The following SAP18 variants were observed in gnomAD, a reference collection of about 807,000 sequenced individuals.
SAP18 encodes the protein Sin3A associated protein 18, also known as histone deacetylase complex subunit SAP18.
Under a neutral mutation model 18.6 loss-of-function variants are expected in SAP18, and 4 were observed. The observed-to-expected ratio is 0.21, with a 90% CI of 0.11 to 0.49. The LOEUF (loss-of-function observed/expected upper bound fraction) is 0.49. SAP18 is among the 20% of genes least tolerant of loss of function. The pLI is 0.98. For missense variants in SAP18, 170 were observed against 226.4 expected (o/e 0.75, Z 1.60); for synonymous variants, 112 against 82.8 (o/e 1.35, Z -1.92).
At chr13:21,144,966 T>A (rs1295376832) in intron 2 of SAP18, among the ~76,000 whole-genome samples, 1 of 152,166 alleles carries the variant, frequency 6.6e-6, no homozygotes, top group Non-Finnish European at 1.5e-5. Context: ...GAATATAGAC[T>A]GAGCATCGCA....
chr13:21,147,499 G>T, exon 4 of SAP18: 1 of 675,662 alleles, frequency 1.5e-6, no homozygotes, highest in Non-Finnish European at 2.5e-6. Context: ...GCTATTGTAT[G>T]ATTACGAATA....
intron 2 of SAP18, among the ~76,000 whole-genome samples, chr13:21,142,935 G>A (rs1869520577): frequency 6.6e-6 from 1 of 152,052 alleles, no homozygotes; most frequent in Admixed American, 6.5e-5. Context: ...AGCCTCTAAT[G>A]TATTATCTGT....
chr13:21,148,676 T>G (rs1286190355), exon 4 of SAP18: 1 of 151,688 alleles, frequency 6.6e-6, no homozygotes, highest in Non-Finnish European at 1.5e-5. Context: ...GGTTGTTTAT[T>G]CATTCAGATT....
exon 1 of SAP18, chr13:21,140,541 G>A: frequency 1.3e-6 from 2 of 1,576,656 alleles, no homozygotes; most frequent in Non-Finnish European, 8.6e-7. Context: ...CCTCGCGAGA[G>A]ACTTAGTGCT....
rs530633079 is a variant in SAP18, at chr13:21,146,766, A to G, written c.240-39A>G. 6.4e-5 allele frequency: 96 copies of G among 1,510,572 alleles called. 4 individuals carry two copies. In the South Asian group the frequency reaches 1.1e-3, roughly 17 times the overall value. 93.6% of individuals were successfully genotyped at this position (1,510,572 alleles called of 1,614,324 possible). On this transcript the variant is annotated intron_variant, in intron 2 of 3. Transcript: ENST00000621421. ...ATCCCTTTTAATATTATTGCTGATT[A>G]ATAAGCAAATGTAAATGTCTTTTTT...
intron 2 of SAP18, among the ~76,000 whole-genome samples, chr13:21,144,998 C>T (rs981893729): frequency 1.3e-5 from 2 of 150,962 alleles, no homozygotes; most frequent in African/African-American, 4.9e-5. Flanking sequence ...TGAAATGCCA[C>T]AAAATCTGAA....
At chr13:21,141,640 T>G (rs1182600952) in intron 2 of SAP18, 1 of 153,308 alleles carries the variant, frequency 6.5e-6, no homozygotes, top group African/African-American at 2.4e-5. Context: ...AAGTAAAAGG[T>G]GTGTAATTGA....
exon 1 of SAP18, chr13:21,140,536 CGA>C (rs774921169): frequency 1.8e-5 from 29 of 1,569,628 alleles, no homozygotes; most frequent in Non-Finnish European, 2.4e-5. Flanking sequence ...CTTCTCCTCG[CGA>C]GAGACTTAGT....
At chr13:21,140,165 G>A (rs752952654), upstream of SAP18, among the ~76,000 whole-genome samples, 65 of 152,310 alleles carry the variant, frequency 4.3e-4, no homozygotes, top group Admixed American at 9.1e-4. Flanking sequence ...CCATGACCAC[G>A]TACGCTGGCG....
chr13:21,142,044 T>A (rs946056727), intron 2 of SAP18, among the ~76,000 whole-genome samples: 6 of 147,552 alleles, frequency 4.1e-5, no homozygotes, highest in Non-Finnish European at 9.0e-5. Flanking sequence ...CCCAGCACTT[T>A]GGGAGGCTGA....
At chr13:21,140,801 C>T (rs773744887) in intron 1 of SAP18, 85 bp from the exon 2 acceptor site, 2 of 1,573,174 alleles carry the variant, frequency 1.3e-6, no homozygotes, top group Admixed American at 3.4e-5. Context: ...GGCTCGGAGG[C>T]CGCAACGCCT....
exon 1 of SAP18, chr13:21,140,571 G>A (rs765768187): frequency 1.7e-5 from 28 of 1,602,180 alleles, no homozygotes; most frequent in Non-Finnish European, 2.3e-5. Flanking sequence ...TGCAGGGGTC[G>A]GAGGTCAGGG....
At chr13:21,142,941 T>C (rs1308420485) in intron 2 of SAP18, among the ~76,000 whole-genome samples, 3 of 152,204 alleles carry the variant, frequency 2.0e-5, no homozygotes, top group Non-Finnish European at 4.4e-5. Flanking sequence ...TAATGTATTA[T>C]CTGTCCATAT....
chr13:21,146,999 C>A (rs919698720), intron 3 of SAP18, 72 bp downstream of exon 3: 1 of 1,494,994 alleles, frequency 6.7e-7, no homozygotes, highest in Admixed American at 2.1e-5. Context: ...ACAGATAACT[C>A]CTTCAATGAA....
chr13:21,144,797 G>A (rs1331470599), intron 2 of SAP18, among the ~76,000 whole-genome samples: 2 of 152,182 alleles, frequency 1.3e-5, no homozygotes, highest in African/African-American at 2.4e-5. Context: ...ACAGTCCTTA[G>A]AAGGTGGGAA....
At chr13:21,140,902 T>C (rs1210721036) in exon 2 of SAP18, 1 of 1,613,702 alleles carries the variant, frequency 6.2e-7, no homozygotes, top group Non-Finnish European at 8.5e-7. Flanking sequence ...CCACTGTTGC[T>C]ACGGGTCTTC....
In SAP18 at chr13:21,147,477, A is replaced by C. The variant is rs552331513; in HGVS notation, c.*135A>C. 14 of 776,784 alleles carry C rather than the reference A, an allele frequency of 1.8e-5. No individual in the cohort carries two copies. The African/African-American group carries it at 2.5e-4, about 14-fold the overall frequency. 48.1% of individuals were successfully genotyped at this position (776,784 alleles called of 1,614,324 possible). Reference sequence around the variant, plus strand: ...ATAATGCATCATCTATTTAGGAGTTAGATTTGGATGTGCTATTGTATGATT... The same window carrying C: ...ATAATGCATCATCTATTTAGGAGTTCGATTTGGATGTGCTATTGTATGATT... On this transcript the variant is annotated 3_prime_UTR_variant, in exon 4 of 4. Coordinates refer to ENST00000621421, the Ensembl canonical transcript of SAP18.
chr13:21,146,791 TA>T lies in SAP18; in HGVS notation c.240-6del, dbSNP rs781253125. The T allele has an allele frequency of 5.7e-6, 9 of 1,569,798 alleles. No homozygotes were observed. Among genetic ancestry groups the T allele is most frequent in the Admixed American group, 2.0e-5 (1 of 50,124 alleles). On this transcript the variant is annotated splice_polypyrimidine_tract_variant and intron_variant, in intron 2 of 3. Coordinates refer to ENST00000621421, the Ensembl canonical transcript of SAP18. ...AATAAGCAAATGTAAATGTCTTTTT[TA>T]AAAAAAATCCAGGATGGATGCAACC...
upstream of SAP18, chr13:21,140,449 C>G (rs1301945575): frequency 3.7e-6 from 5 of 1,337,574 alleles, no homozygotes; most frequent in Middle Eastern, 2.7e-4. Flanking sequence ...CGCGCTCCGG[C>G]TCGCTCACCA....
Sources: gnomAD v4.1 joint callset for allele counts (sites outside exome capture counted in the v4.1 genomes callset) on GRCh38, gnomAD v4.1.1 for gene constraint, MANE v1.5 for transcripts, NCBI Gene and HGNC (gene_info 2026-07-23, HGNC 2026-07-21) for gene names.